The following ATG10 variants were observed in gnomAD, a reference collection of about 807,000 sequenced individuals.
The protein encoded by ATG10 is autophagy related 10.
A neutral mutation model predicts 32.1 loss-of-function variants in ATG10; 30 were observed. The observed-to-expected ratio is 0.94, with a 90% confidence interval of 0.70 to 1.27. ATG10 has a LOEUF of 1.27. Among genes scored for constraint, ATG10 ranks in the 50% most tolerant of loss-of-function variants. ATG10 has a pLI of 0.00. For missense variants in ATG10, 233 were observed against 262.3 expected (o/e 0.89, Z 0.77); for synonymous variants, 87 against 91.5 (o/e 0.95, Z 0.28).
At chr5:81,981,718 A>G (rs1761052541) in intron 1 of ATG10, among the ~76,000 whole-genome samples, 1 of 152,228 alleles carries the variant, frequency 6.6e-6, no homozygotes, top group African/African-American at 2.4e-5. Context: ...TTTTAGTCCT[A>G]TTATGACTTT....
At chr5:82,184,701 A>G (rs1037472284) in intron 5 of ATG10, among the ~76,000 whole-genome samples, 1 of 152,218 alleles carries the variant, frequency 6.6e-6, no homozygotes. Flanking sequence ...AGATGACTGT[A>G]TTCATACTAT....
At chr5:82,013,104 G>A (rs1047178744) in intron 2 of ATG10, among the ~76,000 whole-genome samples, 2 of 152,008 alleles carry the variant, frequency 1.3e-5, no homozygotes, top group African/African-American at 4.8e-5. Flanking sequence ...TGGGACTACA[G>A]GCACACACCA....
At chr5:82,049,725 C>G (rs938987691) in intron 2 of ATG10, among the ~76,000 whole-genome samples, 3 of 151,732 alleles carry the variant, frequency 2.0e-5, no homozygotes, top group African/African-American at 7.3e-5. Context: ...AAGTATTGGC[C>G]CCATTTTGGG....
At chr5:82,152,749 C>A (rs1399366806) in intron 3 of ATG10, among the ~76,000 whole-genome samples, 1 of 151,982 alleles carries the variant, frequency 6.6e-6, no homozygotes, top group Non-Finnish European at 1.5e-5. Flanking sequence ...TTATAATATA[C>A]AAAATATATC....
intron 2 of ATG10, among the ~76,000 whole-genome samples, chr5:82,031,479 A>C (rs949398561): frequency 2.0e-5 from 3 of 152,220 alleles, no homozygotes; most frequent in Non-Finnish European, 4.4e-5. Context: ...AAAAAAACAC[A>C]GTGGGAATTA....
At chr5:82,162,103 T>G (rs1160551161) in intron 3 of ATG10, among the ~76,000 whole-genome samples, 1 of 152,156 alleles carries the variant, frequency 6.6e-6, no homozygotes, top group Non-Finnish European at 1.5e-5. Flanking sequence ...TTCACACATA[T>G]CCTTGCACAC....
rs1431437158 is a variant in ATG10 at position 82,139,494 on chromosome 5, G to A, written c.217-24905G>A. Among the ~76,000 whole-genome samples the A allele has an allele frequency of 2.3e-4, 30 of 128,588 alleles. No individual in the cohort carries two copies. The East Asian group carries it at 3.3e-3, about 14-fold the overall frequency. 84.4% of individuals were successfully genotyped at this position (128,588 alleles called of 152,430 possible). Reference sequence around the variant, plus strand: ...ATGTGGGGAGCGCCTCTGCCCCGCCGCCCCATCTGGGATGTGAGGAGCGCC... The same window carrying A: ...ATGTGGGGAGCGCCTCTGCCCCGCCACCCCATCTGGGATGTGAGGAGCGCC... On this transcript the variant is annotated intron_variant, in intron 3 of 7. Coordinates refer to ENST00000282185, the MANE Select transcript of ATG10 (RefSeq NM_031482.5).
At chr5:81,999,757 C>A (rs1037625144) in intron 2 of ATG10, among the ~76,000 whole-genome samples, 6 of 152,014 alleles carry the variant, frequency 3.9e-5, no homozygotes, top group Admixed American at 3.9e-4. Flanking sequence ...CTACTACAAA[C>A]ACCTCTGCAC....
intron 5 of ATG10, among the ~76,000 whole-genome samples, chr5:82,189,172 T>C (rs1010346920): frequency 6.6e-6 from 1 of 152,196 alleles, no homozygotes; most frequent in Non-Finnish European, 1.5e-5. Context: ...ATGCTAATAA[T>C]ACATACATAT....
At chr5:82,199,637 T>C (rs369221088) in intron 5 of ATG10, among the ~76,000 whole-genome samples, 1 of 152,244 alleles carries the variant, frequency 6.6e-6, no homozygotes, top group African/African-American at 2.4e-5. Flanking sequence ...GGTTTATTCA[T>C]TTCCTTGCAT....
At chr5:82,153,601 G>C (rs1767690405) in intron 3 of ATG10, among the ~76,000 whole-genome samples, 1 of 152,132 alleles carries the variant, frequency 6.6e-6, no homozygotes, top group Non-Finnish European at 1.5e-5. Flanking sequence ...CCTTGGTTAA[G>C]GGTGATTAGG....
intron 5 of ATG10, among the ~76,000 whole-genome samples, chr5:82,214,534 T>A (rs1043960632): frequency 6.6e-6 from 1 of 152,242 alleles, no homozygotes; most frequent in African/African-American, 2.4e-5. Flanking sequence ...AAGATTTTTT[T>A]AATATATGAA....
chr5:82,091,173 C>T (rs1020596602), intron 3 of ATG10, among the ~76,000 whole-genome samples: 1 of 152,110 alleles, frequency 6.6e-6, no homozygotes, highest in Non-Finnish European at 1.5e-5. Flanking sequence ...CTTAGGCAGC[C>T]TCTCTTTTCT....
rs761540035 is a variant in ATG10, at chr5:81,983,235, A to ACC, written c.-12-4314_-12-4313dup. 6.4e-3 allele frequency among the ~76,000 whole-genome samples: 485 copies of ACC among 75,968 alleles called. 22 individuals carry two copies. The highest frequency in any genetic ancestry group is 0.02 in the South Asian group (40 of 2,042). The allele number at this position is 75,968 out of a possible 152,430, so 49.8% of individuals were successfully genotyped here. A position where few individuals can be genotyped will look rare whatever the true frequency, so the allele number is the denominator to read the frequency against. On this transcript the variant is annotated intron_variant, in intron 1 of 7. Transcript: ENST00000282185. ...GGGCGACTGGCCGGGCTGGGGGCTG[A>ACC]CCCCCCCCCCCACCTCCCTCCTGGA... is the stretch of plus-strand genomic sequence containing the variant.
At chr5:82,112,779 T>G (rs1416316339) in intron 3 of ATG10, among the ~76,000 whole-genome samples, 1 of 151,908 alleles carries the variant, frequency 6.6e-6, no homozygotes, top group Non-Finnish European at 1.5e-5. Context: ...AAACTGAAGA[T>G]TTTCTTAAAT....
chr5:82,232,262 A>T (rs936605546), intron 5 of ATG10, among the ~76,000 whole-genome samples: 2 of 152,224 alleles, frequency 1.3e-5, no homozygotes, highest in Admixed American at 1.3e-4. Context: ...GTAAAGAATT[A>T]ATGCTTGGAA....
chr5:82,188,801 G>A (rs1427434368), intron 5 of ATG10, among the ~76,000 whole-genome samples: 2 of 151,814 alleles, frequency 1.3e-5, no homozygotes, highest in African/African-American at 4.8e-5. Flanking sequence ...GATGCTATTT[G>A]TTTTATCTTT....
At chr5:82,010,307 G>A (rs1297260977) in intron 2 of ATG10, among the ~76,000 whole-genome samples, 3 of 152,080 alleles carry the variant, frequency 2.0e-5, no homozygotes, top group South Asian at 2.1e-4. Context: ...GGGGAATTTC[G>A]TTTTGGTACC....
chr5:82,164,710 A>G (rs1043036393), intron 4 of ATG10, among the ~76,000 whole-genome samples, 173 bp downstream of exon 4: 1 of 152,190 alleles, frequency 6.6e-6, no homozygotes, highest in Non-Finnish European at 1.5e-5. Context: ...GGGTATCAAG[A>G]CTTCAGCGTG....
Sources: allele counts gnomAD v4.1 joint callset (sites outside exome capture counted in the v4.1 genomes callset), GRCh38; gene constraint gnomAD v4.1.1; transcripts MANE v1.5; gene names NCBI Gene and HGNC (gene_info 2026-07-23, HGNC 2026-07-21).